The following BSN variants were observed in gnomAD, a reference collection of about 807,000 sequenced individuals.
BSN encodes bassoon presynaptic cytomatrix protein.
Under a neutral mutation model 264.8 loss-of-function variants are expected in BSN, and 57 were observed. That is an observed-to-expected ratio of 0.22 (90% confidence interval 0.17 to 0.27). The LOEUF (loss-of-function observed/expected upper bound fraction) is 0.27. BSN is among the 10% of genes least tolerant of loss of function. The probability of loss-of-function intolerance (pLI) is 1.00; values close to 1 mark genes in which losing one functional copy is unlikely to be tolerated. For missense variants in BSN, 4,615 were observed against 5,232.5 expected (o/e 0.88, Z 3.64); for synonymous variants, 2,059 against 2,137.3 (o/e 0.96, Z 1.01).
rs1044369063 is a variant in BSN at position 49,652,485 on chromosome 3, G to A, written c.2929G>A (p.Gly977Ser). Residue 977 changes from glycine (G) to serine (S), a missense_variant, in exon 5 of 12, where the codon GGT (glycine) becomes AGT (serine). Coordinates refer to ENST00000296452, the MANE Select transcript of BSN (RefSeq NM_003458.4). ...LTGSPEDRSRGEHSSTLPAST... is the reference protein window; with the variant it reads ...LTGSPEDRSRSEHSSTLPAST... ...GGGCTCCCCTGAGGACCGCTCCCGT[G>A]GTGAGCACTCCTCTACATTGCCTGC... The A allele has an allele frequency of 2.5e-6, 4 of 1,613,684 alleles. No individual in the cohort carries two copies. In the African/African-American group the frequency reaches 5.3e-5, roughly 22 times the overall value.
chr3:49,592,965 A>G (rs754055473), intron 1 of BSN, among the ~76,000 whole-genome samples: 3 of 152,140 alleles, frequency 2.0e-5, no homozygotes, highest in African/African-American at 7.2e-5. Flanking sequence ...TTGTGTATCT[A>G]TGACCACAGT....
rs114719580 is a variant in BSN at position 49,664,680 on chromosome 3, T to C, written c.11741-119T>C. On this transcript the variant is annotated intron_variant, in intron 9 of 11. Coordinates refer to ENST00000296452, the MANE Select transcript of BSN (RefSeq NM_003458.4). ...AGAGAGCCCACCTGCTGATGCCCAG[T>C]TGTTCTCCGGGCAATCTCTGCCCCT... is the stretch of plus-strand genomic sequence containing the variant. The C allele has an allele frequency of 2.8e-3, 4,275 of 1,539,376 alleles. 93 individuals carry two copies. The African/African-American group carries it at 0.051, about 18-fold the overall frequency.
rs771291530 is a variant in BSN, at chr3:49,652,352, G to A, written c.2796G>A (p.Lys932=). The A allele has an allele frequency of 2.5e-6, 4 of 1,606,102 alleles. No homozygotes were observed. The highest frequency in any genetic ancestry group is 3.4e-6 in the Non-Finnish European group (4 of 1,175,876). ...TGCAGGGTGGGCTCCGTCGCTTCAAGACCATTGAGCTCAACAGCACGGGAA... is the reference window on the plus strand; with the variant it reads ...TGCAGGGTGGGCTCCGTCGCTTCAAAACCATTGAGCTCAACAGCACGGGAA... ...GTLQGGLRRF[K]TIELNSTGSY... The change falls in exon 5 of 12, where the codon AAG becomes AAA. Residue 932 remains lysine, a synonymous_variant. Transcript: ENST00000296452.
intron 2 of BSN, among the ~76,000 whole-genome samples, chr3:49,639,420 G>A (rs1211973867): frequency 6.6e-6 from 1 of 152,020 alleles, no homozygotes; most frequent in Non-Finnish European, 1.5e-5. Context: ...GGATGGTCTC[G>A]ATCTCCTGAC....
chr3:49,578,918 G>A (rs529217128), intron 1 of BSN, among the ~76,000 whole-genome samples: 2 of 152,140 alleles, frequency 1.3e-5, no homozygotes, highest in Non-Finnish European at 2.9e-5. Context: ...TTCACTTAGT[G>A]TGTTTTCCAA....
At chr3:49,644,211 A>T (rs1450419939) in intron 3 of BSN, among the ~76,000 whole-genome samples, 1 of 152,216 alleles carries the variant, frequency 6.6e-6, no homozygotes, top group African/African-American at 2.4e-5. Context: ...CCTCTTGCAC[A>T]TGGGGAGCCA....
chr3:49,598,164 G>C (rs962886988), intron 1 of BSN, among the ~76,000 whole-genome samples: 1 of 152,186 alleles, frequency 6.6e-6, no homozygotes, highest in Non-Finnish European at 1.5e-5. Flanking sequence ...TTGGTTTTCT[G>C]TGTATGAATG....
At chr3:49,645,300 C>T (rs770381231) in intron 3 of BSN, among the ~76,000 whole-genome samples, 4 of 152,196 alleles carry the variant, frequency 2.6e-5, no homozygotes, top group Non-Finnish European at 5.9e-5. Context: ...CCCCAGAGGG[C>T]CTGCAGCTAT....
intron 1 of BSN, among the ~76,000 whole-genome samples, chr3:49,590,128 GC>G (rs1173210660): frequency 3.9e-5 from 6 of 152,148 alleles, no homozygotes; most frequent in Non-Finnish European, 8.8e-5. Flanking sequence ...GAACCACCAC[GC>G]CCCGCCAAAT....
chr3:49,563,671 C>T (rs999057334), intron 1 of BSN, among the ~76,000 whole-genome samples: 4 of 152,166 alleles, frequency 2.6e-5, no homozygotes, highest in African/African-American at 9.7e-5. Context: ...TGCTTCCTTC[C>T]GAAGTGTGGT....
At position 49,655,595 on chromosome 3, in the gene BSN, T is replaced by C. The variant is rs749337608; in HGVS notation, c.6039T>C (p.Ala2013=). Residue 2013 remains alanine, a synonymous_variant, in exon 5 of 12, where the codon GCT becomes GCC. Coordinates refer to ENST00000296452, the MANE Select transcript of BSN (RefSeq NM_003458.4). ...QLFQGPGRDS[A]MDLSSLKHSY... ...TCCAGGGTCCTGGACGAGACTCGGCTATGGACCTCAGCTCACTGAAGCACT... is the reference window on the plus strand; with the variant it reads ...TCCAGGGTCCTGGACGAGACTCGGCCATGGACCTCAGCTCACTGAAGCACT... The C allele has an allele frequency of 3.7e-6, 6 of 1,613,664 alleles. No individual in the cohort carries two copies. The highest frequency in any genetic ancestry group is 5.1e-6 in the Non-Finnish European group (6 of 1,180,004).
rs774900776 is a variant in BSN at position 49,663,587 on chromosome 3, C to T, written c.11429C>T (p.Ser3810Leu). 5.0e-6 allele frequency: 8 copies of T among 1,606,058 alleles called. No individual in the cohort carries two copies. Among genetic ancestry groups the T allele is most frequent in the South Asian group, 2.2e-5 (2 of 90,498 alleles). ...QQQSQPTTRGSAPAASQPAGK... is the reference protein window; with the variant it reads ...QQQSQPTTRGLAPAASQPAGK... ...CAGAGCCAGCCAACCACCCGGGGCT[C>T]AGCCCCTGCTGCCAGCCAGCCTGCA... Residue 3810 changes from serine (S) to leucine (L), a missense_variant, in exon 7 of 12, where the codon TCA becomes TTA. Ser to Leu is a moderately radical substitution (Grantham distance 145). Coordinates refer to ENST00000296452, the MANE Select transcript of BSN (RefSeq NM_003458.4).
At position 49,653,223 on chromosome 3, in the gene BSN, G is replaced by A; in HGVS notation, c.3667G>A (p.Gly1223Ser). 2 of 1,612,104 alleles carry A rather than the reference G, an allele frequency of 1.2e-6. No homozygotes were observed. The highest frequency in any genetic ancestry group is 1.7e-6 in the Non-Finnish European group (2 of 1,179,748). The change falls in exon 5 of 12, where the codon GGC (glycine) becomes AGC (serine). Residue 1223 changes from glycine to serine, a missense_variant. Coordinates refer to ENST00000296452, the MANE Select transcript of BSN (RefSeq NM_003458.4). This position sits in a 1 kb window ranked among gnomAD's most constrained non-coding sequence, Gnocchi z 6.3. ...GGPSQPTGPRGLGSFEYQDTT... is the reference protein window; with the variant it reads ...GGPSQPTGPRSLGSFEYQDTT... ...CCCCTCTCAGCCCACAGGCCCCCGG[G>A]GCCTGGGCTCCTTCGAATATCAAGA...
intron 1 of BSN, among the ~76,000 whole-genome samples, chr3:49,593,903 C>T (rs539176667): frequency 2.3e-4 from 35 of 150,512 alleles, no homozygotes; most frequent in African/African-American, 7.3e-4. Context: ...CCCAGGTTCA[C>T]GCCATTCTCT....
downstream of BSN, among the ~76,000 whole-genome samples, chr3:49,673,087 C>CTTTTTTTTTTTGTTTTTTT: frequency 2.3e-5 from 1 of 43,216 alleles, no homozygotes; most frequent in Admixed American, 3.3e-4. Flanking sequence ...CCGGCCGGGA[C>CTTTTTTTTTTTGTTTTTTT]TTTTTTTTTT....
chr3:49,605,447 T>TA (rs2052109783), intron 1 of BSN, among the ~76,000 whole-genome samples: 6 of 14,624 alleles, frequency 4.1e-4, no homozygotes, highest in Non-Finnish European at 6.5e-4. Context: ...ATTATATATA[T>TA]TATATAATAT....
chr3:49,607,440 G>C (rs2052163277), intron 1 of BSN, among the ~76,000 whole-genome samples: 1 of 152,200 alleles, frequency 6.6e-6, no homozygotes, highest in African/African-American at 2.4e-5. Flanking sequence ...CTCTTTGGGA[G>C]CAGGACTGCT....
chr3:49,655,062 G>C lies in BSN; in HGVS notation c.5506G>C (p.Glu1836Gln). 6.2e-7 allele frequency: 1 copy of C among 1,613,046 alleles called. No homozygotes were observed. Among genetic ancestry groups the C allele is most frequent in the South Asian group, 1.1e-5 (1 of 91,084 alleles). ...SIGLKPGPVP[E>Q]PGAEPHRATP... ...TGGCCTCAAGCCAGGCCCAGTGCCA[G>C]AGCCAGGTGCCGAGCCCCACCGGGC... The change falls in exon 5 of 12, where the codon GAG becomes CAG. Residue 1836 changes from glutamate (E) to glutamine (Q), a missense_variant. Physicochemically the swap from Glu to Gln is conservative, Grantham distance 29 (BLOSUM62 2). Transcript: ENST00000296452.
At chr3:49,589,421 G>T (rs1318942088) in intron 1 of BSN, among the ~76,000 whole-genome samples, 1 of 151,796 alleles carries the variant, frequency 6.6e-6, no homozygotes, top group African/African-American at 2.4e-5. Flanking sequence ...TTAGGTCTAT[G>T]TATGTGTATA....
Sources: gnomAD v4.1 joint callset for allele counts (sites outside exome capture counted in the v4.1 genomes callset) on GRCh38, gnomAD v4.1.1 for gene constraint, Gnocchi (gnomAD v3.1) non-coding constraint, MANE v1.5 for transcripts, NCBI Gene and HGNC (gene_info 2026-07-23, HGNC 2026-07-21) for gene names.